EEA1: variants seen among roughly 807,000 people sequenced by gnomAD.
The protein encoded by EEA1 is early endosome antigen 1.
In EEA1, 111 loss-of-function variants were observed where a neutral mutation model predicts 209.2. That is an observed-to-expected ratio of 0.53 (90% CI 0.45 to 0.62). The LOEUF (loss-of-function observed/expected upper bound fraction) is 0.62. EEA1 is among the 20% of genes least tolerant of loss of function. The pLI is 0.00. For missense variants in EEA1, 1,343 were observed against 1,530.8 expected (o/e 0.88, Z 2.05); for synonymous variants, 536 against 540.6 (o/e 0.99, Z 0.12).
At chr12:92,815,185 G>A (rs1875719540) in intron 15 of EEA1, among the ~76,000 whole-genome samples, 1 of 152,054 alleles carries the variant, frequency 6.6e-6, no homozygotes, top group Non-Finnish European at 1.5e-5. Context: ...TTACTGTCAA[G>A]GTGATAATGG....
rs190902336 is a variant in EEA1 at position 92,793,153 on chromosome 12, A to G, written c.2968-5104T>C. On this transcript the variant is annotated intron_variant, in intron 21 of 28. Coordinates refer to ENST00000322349, the MANE Select transcript of EEA1 (RefSeq NM_003566.4). Reference sequence around the variant, plus strand: ...TCTCAAAATAACAAGAACTACTTATAGTAAACCCACAGCCAATATCATACT... The same window carrying G: ...TCTCAAAATAACAAGAACTACTTATGGTAAACCCACAGCCAATATCATACT... 5.1e-3 allele frequency among the ~76,000 whole-genome samples: 778 copies of G among 152,212 alleles called. 5 individuals carry two copies. Among genetic ancestry groups the G allele is most frequent in the Non-Finnish European group, 7.6e-3 (515 of 67,984 alleles).
At chr12:92,785,787 T>C (rs1345671883) in intron 22 of EEA1, among the ~76,000 whole-genome samples, 1 of 152,186 alleles carries the variant, frequency 6.6e-6, no homozygotes, top group Non-Finnish European at 1.5e-5. Flanking sequence ...AGCTTTGGAA[T>C]AGAGGATCTA....
At chr12:92,909,868 C>T (rs955365994) in intron 1 of EEA1, among the ~76,000 whole-genome samples, 1 of 152,092 alleles carries the variant, frequency 6.6e-6, no homozygotes, top group African/African-American at 2.4e-5. Context: ...TTAGGTTGGG[C>T]ACAGTGGCTC....
chr12:92,819,262 G>A (rs1458472426), intron 14 of EEA1, 46 bp downstream of exon 14: 1 of 1,445,848 alleles, frequency 6.9e-7, no homozygotes, highest in East Asian at 2.3e-5. Context: ...AAGACTTAGA[G>A]AGACAGAAGT....
At chr12:92,797,747 G>A (rs1403213747) in intron 21 of EEA1, among the ~76,000 whole-genome samples, 1 of 152,010 alleles carries the variant, frequency 6.6e-6, no homozygotes, top group Non-Finnish European at 1.5e-5. Flanking sequence ...ATTATATATG[G>A]TAAGAAAAAC....
At chr12:92,795,913 G>C (rs1278574210) in intron 21 of EEA1, among the ~76,000 whole-genome samples, 1 of 151,916 alleles carries the variant, frequency 6.6e-6, no homozygotes, top group Non-Finnish European at 1.5e-5. Context: ...AGCTCTCTGT[G>C]AAGTCTCAAT....
intron 16 of EEA1, among the ~76,000 whole-genome samples, chr12:92,812,560 C>A (rs1408198399): frequency 6.6e-6 from 1 of 152,116 alleles, no homozygotes; most frequent in Middle Eastern, 3.2e-3. Flanking sequence ...ATACAGTGTT[C>A]TTTTCCTGTT....
chr12:92,805,507 A>G (rs1163699012), intron 18 of EEA1, among the ~76,000 whole-genome samples: 1 of 152,214 alleles, frequency 6.6e-6, no homozygotes, highest in Non-Finnish European at 1.5e-5. Flanking sequence ...TCCCCTTGAC[A>G]CAAGTCAAGT....
intron 5 of EEA1, among the ~76,000 whole-genome samples, chr12:92,855,431 C>CA (rs56959398): frequency 0.19 from 18,149 of 95,880 alleles, 1,862 homozygotes; most frequent in African/African-American, 0.25. Context: ...GACTCTGTCT[C>CA]AAAAAAAAAA....
rs1308023593 is a variant in EEA1, at chr12:92,770,741, A to G, written c.*5270T>C. 2.0e-5 allele frequency: 3 copies of G among 152,212 alleles called. No individual in the cohort carries two copies. Among genetic ancestry groups the G allele is most frequent in the Non-Finnish European group, 4.4e-5 (3 of 68,056 alleles). The allele number at this position is 152,212 out of a possible 1,614,324, so 9.4% of individuals were successfully genotyped here. A position where few individuals can be genotyped will look rare whatever the true frequency, so the allele number is the denominator to read the frequency against. On this transcript the variant is annotated 3_prime_UTR_variant, in exon 29 of 29. Coordinates refer to ENST00000322349, the MANE Select transcript of EEA1 (RefSeq NM_003566.4). ...ACTACATTTAAGTAGCAGTTTTAAA[A>G]TTCCTATTCTCAAACTCATCTCAGG...
At chr12:92,809,523 T>TAAA (rs57998627) in intron 17 of EEA1, among the ~76,000 whole-genome samples, 4,559 of 106,866 alleles carry the variant, frequency 0.043, 145 homozygotes, top group African/African-American at 0.068. Context: ...TTATCTCTAC[T>TAAA]AAAAAAAAAA....
intron 1 of EEA1, among the ~76,000 whole-genome samples, chr12:92,908,331 G>A (rs1880456762): frequency 6.6e-6 from 1 of 152,124 alleles, no homozygotes; most frequent in Admixed American, 6.5e-5. Flanking sequence ...GGGGAGGGGA[G>A]GAATGAAGAG....
intron 24 of EEA1, 139 bp downstream of exon 24, chr12:92,780,141 A>T: frequency 1.2e-6 from 1 of 840,852 alleles, no homozygotes; most frequent in Non-Finnish European, 1.8e-6. Flanking sequence ...CTCTGGCAAG[A>T]GTATTTGTCA....
intron 2 of EEA1, chr12:92,883,656 C>T (rs1473489937): frequency 1.6e-6 from 1 of 611,074 alleles, no homozygotes; most frequent in Non-Finnish European, 2.9e-6. Flanking sequence ...ATAATATTTT[C>T]TTTTCTCTAT....
chr12:92,816,495 T>A, intron 14 of EEA1, 95 bp from the exon 15 acceptor site: 2 of 1,120,516 alleles, frequency 1.8e-6, no homozygotes, highest in South Asian at 1.6e-5. Flanking sequence ...TTAAAGTGCT[T>A]TATGATAGTT....
intron 15 of EEA1, among the ~76,000 whole-genome samples, chr12:92,814,211 A>T (rs560677613): frequency 6.6e-6 from 1 of 152,142 alleles, no homozygotes; most frequent in South Asian, 2.1e-4. Context: ...AATTCAAATA[A>T]TTTTTTCTCA....
rs1358341624 is a variant in EEA1, at chr12:92,774,168, TA to T, written c.*1842del. ...CTATTTGGAAGGATTTATAAGTATA[TA>T]AAAATGCATAAATAGTTCAGTTTAT... On this transcript the variant is annotated 3_prime_UTR_variant, in exon 29 of 29. Coordinates refer to ENST00000322349, the MANE Select transcript of EEA1 (RefSeq NM_003566.4). 2.0e-5 allele frequency: 3 copies of T among 151,412 alleles called. No homozygotes were observed. In the South Asian group the frequency reaches 6.2e-4, roughly 31 times the overall value. The allele number at this position is 151,412 out of a possible 1,614,324, so 9.4% of individuals were successfully genotyped here. A position where few individuals can be genotyped will look rare whatever the true frequency, so the allele number is the denominator to read the frequency against.
At chr12:92,779,045 G>T in intron 25 of EEA1, 70 bp downstream of exon 25, 2 of 1,354,854 alleles carry the variant, frequency 1.5e-6, no homozygotes, top group Non-Finnish European at 2.0e-6. Flanking sequence ...CTTATAAGTA[G>T]AACAGTCCTC....
chr12:92,892,280 C>T (rs1051518565), intron 1 of EEA1, among the ~76,000 whole-genome samples: 3 of 151,924 alleles, frequency 2.0e-5, no homozygotes, highest in Non-Finnish European at 4.4e-5. Flanking sequence ...TTGGTAGAGA[C>T]GAAGTTTCAC....
Sources: allele counts gnomAD v4.1 joint callset (sites outside exome capture counted in the v4.1 genomes callset), GRCh38; gene constraint gnomAD v4.1.1; transcripts MANE v1.5; gene names NCBI Gene and HGNC (gene_info 2026-07-23, HGNC 2026-07-21).